The following TAS2R1 variants were observed in gnomAD, a reference collection of about 807,000 sequenced individuals.
The protein encoded by TAS2R1 is taste 2 receptor member 1, also known as taste receptor type 2 member 1.
For missense variants in TAS2R1, 370 were observed against 353.4 expected, an observed-to-expected ratio of 1.05 and a Z score of -0.38; for synonymous variants, 141 against 134.2, an observed-to-expected ratio of 1.05 and a Z score of -0.35.
chr5:9,884,952 A>T, the TAS2R1 span, among the ~76,000 whole-genome samples: 1 of 152,246 alleles, frequency 6.6e-6, no homozygotes, highest in Non-Finnish European at 1.5e-5. Flanking sequence ...TTAAATTAAT[A>T]TTTCAGCAAA....
chr5:9,810,605 C>G, the TAS2R1 span, among the ~76,000 whole-genome samples: 2 of 151,988 alleles, frequency 1.3e-5, no homozygotes, highest in Non-Finnish European at 1.5e-5. Flanking sequence ...TAAGGATGCA[C>G]AAGAGAACTG....
the TAS2R1 span, among the ~76,000 whole-genome samples, chr5:9,869,011 T>C: frequency 5.9e-5 from 9 of 152,218 alleles, no homozygotes; most frequent in Non-Finnish European, 1.2e-4. Context: ...AATAAGTCTC[T>C]AGGAAGTTCA....
the TAS2R1 span, among the ~76,000 whole-genome samples, chr5:9,753,920 T>C: frequency 2.6e-5 from 4 of 152,286 alleles, no homozygotes; most frequent in African/African-American, 4.8e-5. Context: ...TCTGTTTTGG[T>C]ACCAGTACCA....
the TAS2R1 span, among the ~76,000 whole-genome samples, chr5:9,809,380 T>C: frequency 6.6e-6 from 1 of 152,044 alleles, no homozygotes; most frequent in Non-Finnish European, 1.5e-5. Flanking sequence ...AATGTGATGG[T>C]ATTAGTAGGT....
intron 2 of TAS2R1, among the ~76,000 whole-genome samples, chr5:9,635,419 T>C (rs904662127): frequency 1.3e-5 from 2 of 152,114 alleles, no homozygotes; most frequent in Non-Finnish European, 2.9e-5. Flanking sequence ...TTTTTTGTTA[T>C]GTCCTTTCCT....
the TAS2R1 span, among the ~76,000 whole-genome samples, chr5:9,785,072 T>A: frequency 2.0e-5 from 3 of 152,260 alleles, no homozygotes; most frequent in African/African-American, 7.2e-5. Context: ...CATAAAGACA[T>A]AGACATATAA....
At chr5:9,707,516 C>G (rs1440885737) in intron 1 of TAS2R1, among the ~76,000 whole-genome samples, 1 of 152,154 alleles carries the variant, frequency 6.6e-6, no homozygotes, top group Non-Finnish European at 1.5e-5. Context: ...AACCCCGTCT[C>G]TAGTGAAATT....
intron 1 of TAS2R1, among the ~76,000 whole-genome samples, chr5:9,675,396 C>G (rs1287556626): frequency 4.0e-5 from 6 of 150,702 alleles, no homozygotes; most frequent in African/African-American, 1.5e-4. Context: ...TTTACTGAAT[C>G]CATTAATTAT....
At chr5:9,808,454 A>G in the TAS2R1 span, among the ~76,000 whole-genome samples, 2 of 152,182 alleles carry the variant, frequency 1.3e-5, no homozygotes, top group Non-Finnish European at 2.9e-5. Context: ...GGAATTGTTG[A>G]GTAAAAAAGA....
chr5:9,896,383 T>C, the TAS2R1 span, among the ~76,000 whole-genome samples: 2 of 152,206 alleles, frequency 1.3e-5, no homozygotes. Flanking sequence ...CCACCTTTCA[T>C]TTTTTGGAGG....
chr5:9,700,609 G>A (rs567303916), intron 1 of TAS2R1, among the ~76,000 whole-genome samples: 4 of 152,120 alleles, frequency 2.6e-5, no homozygotes, highest in African/African-American at 9.7e-5. Context: ...TTGCTTGCTA[G>A]GACACCCGTA....
At chr5:9,782,174 T>A in the TAS2R1 span, among the ~76,000 whole-genome samples, 3 of 152,228 alleles carry the variant, frequency 2.0e-5, no homozygotes, top group African/African-American at 7.2e-5. Context: ...CAGCAGTCCA[T>A]GCACAGGGCA....
the TAS2R1 span, among the ~76,000 whole-genome samples, chr5:9,748,180 A>G: frequency 3.9e-5 from 6 of 152,166 alleles, no homozygotes; most frequent in African/African-American, 1.2e-4. Flanking sequence ...AACTTTTAAT[A>G]CAAATAAATC....
the TAS2R1 span, among the ~76,000 whole-genome samples, chr5:9,830,856 G>A: frequency 1.3e-5 from 2 of 152,256 alleles, no homozygotes; most frequent in South Asian, 2.1e-4. Flanking sequence ...TTTTTAAGAG[G>A]TGAACATAGA....
At chr5:9,851,531 T>C in the TAS2R1 span, among the ~76,000 whole-genome samples, 3 of 152,006 alleles carry the variant, frequency 2.0e-5, no homozygotes, top group Non-Finnish European at 4.4e-5. Flanking sequence ...TTTTTTTTTT[T>C]TTCTTTTACT....
the TAS2R1 span, among the ~76,000 whole-genome samples, chr5:9,825,043 A>T: frequency 1.3e-5 from 2 of 152,196 alleles, no homozygotes; most frequent in Admixed American, 6.6e-5. Context: ...GCCACCAAAG[A>T]TGCAGGCTTT....
At chr5:9,837,591 G>C in the TAS2R1 span, among the ~76,000 whole-genome samples, 9 of 150,842 alleles carry the variant, frequency 6.0e-5, no homozygotes, top group East Asian at 1.7e-3. Context: ...GCACCTTCCT[G>C]TGGGCCTGGC....
the TAS2R1 span, chr5:9,902,899 G>T: frequency 6.6e-6 from 1 of 151,828 alleles, no homozygotes; most frequent in Non-Finnish European, 1.5e-5. Context: ...TCTTCAGCAG[G>T]TAGAAGGGAA....
the TAS2R1 span, among the ~76,000 whole-genome samples, chr5:9,808,899 G>T: frequency 1.3e-5 from 2 of 152,160 alleles, no homozygotes; most frequent in Admixed American, 1.3e-4. Flanking sequence ...CCTTGTGGGT[G>T]GGTCCCCATG....
Sources: gnomAD v4.1 joint callset for allele counts (sites outside exome capture counted in the v4.1 genomes callset) on GRCh38, gnomAD v4.1.1 for gene constraint, MANE v1.5 for transcripts, NCBI Gene and HGNC (gene_info 2026-07-23, HGNC 2026-07-21) for gene names.